Variants in ANK3 observed in about 807,000 individuals in gnomAD.
ANK3 encodes the protein ankyrin 3, also known as ankyrin-3.
Under a neutral mutation model 370.9 loss-of-function variants are expected in ANK3, and 57 were observed. The ratio of observed to expected loss-of-function variants is 0.15; its 90% CI spans 0.12 to 0.19. ANK3 has a LOEUF of 0.19. ANK3 is among the 10% of genes least tolerant of loss of function. The pLI, the probability that ANK3 is intolerant of heterozygous loss-of-function variation, is 1.00. For synonymous variants in ANK3, 1,929 were observed against 1,946.3 expected (o/e 0.99, Z 0.23); for missense variants, 4,439 against 5,302.1 (o/e 0.84, Z 5.06).
chr10:60,209,946 TAAAGA>T (rs1205609065), intron 9 of ANK3, among the ~76,000 whole-genome samples: 4 of 152,058 alleles, frequency 2.6e-5, no homozygotes, highest in Non-Finnish European at 5.9e-5. Context: ...AAGAAAACAG[TAAAGA>T]AAAGATCATC....
At chr10:60,189,581 C>T (rs1172061447) in intron 16 of ANK3, among the ~76,000 whole-genome samples, 4 of 152,122 alleles carry the variant, frequency 2.6e-5, no homozygotes, top group African/African-American at 7.2e-5. Context: ...ATAATAAGCA[C>T]ATTTATCTTG....
At chr10:60,710,217 T>C (rs759390737) in intron 1 of ANK3, among the ~76,000 whole-genome samples, 4 of 152,190 alleles carry the variant, frequency 2.6e-5, no homozygotes, top group Non-Finnish European at 5.9e-5. Flanking sequence ...CAGAGATGAT[T>C]AGCATCACAG....
chr10:60,062,969 T>A, intron 40 of ANK3, 142 bp downstream of exon 40: 1 of 788,768 alleles, frequency 1.3e-6, no homozygotes, highest in Non-Finnish European at 1.9e-6. Context: ...ATCAGAGTGT[T>A]TATTTGCAGA....
chr10:60,246,591 G>A (rs1413891232), intron 7 of ANK3, among the ~76,000 whole-genome samples: 1 of 152,216 alleles, frequency 6.6e-6, no homozygotes, highest in East Asian at 1.9e-4. Flanking sequence ...GCCTTCCCAG[G>A]AAGCAGCAGC....
intron 2 of ANK3, among the ~76,000 whole-genome samples, chr10:60,480,315 A>G (rs1294326767): frequency 6.6e-6 from 1 of 152,212 alleles, no homozygotes; most frequent in Non-Finnish European, 1.5e-5. Context: ...GTTTAAAGCC[A>G]TGGGCACAGA....
intron 2 of ANK3, among the ~76,000 whole-genome samples, chr10:60,479,670 C>T (rs980855355): frequency 9.9e-5 from 15 of 151,798 alleles, no homozygotes; most frequent in African/African-American, 2.2e-4. Context: ...ACTGAAACAC[C>T]GAGAAGTGGA....
At chr10:60,653,365 T>C (rs1035440236) in intron 1 of ANK3, among the ~76,000 whole-genome samples, 27 of 151,160 alleles carry the variant, frequency 1.8e-4, no homozygotes, top group African/African-American at 5.7e-4. Context: ...ATTTTTTTTT[T>C]CCCATACAGA....
At chr10:60,655,809 C>T (rs1293307871) in intron 1 of ANK3, among the ~76,000 whole-genome samples, 1 of 152,122 alleles carries the variant, frequency 6.6e-6, no homozygotes, top group Non-Finnish European at 1.5e-5. Context: ...TGGGAAGTGC[C>T]CTACACAGGT....
intron 16 of ANK3, among the ~76,000 whole-genome samples, chr10:60,190,908 C>G (rs543444353): frequency 6.6e-6 from 1 of 152,138 alleles, no homozygotes; most frequent in East Asian, 1.9e-4. Flanking sequence ...TGGAACAGAA[C>G]AGAAAACTCA....
chr10:60,666,483 A>C (rs1564517053), intron 1 of ANK3, among the ~76,000 whole-genome samples: 2 of 152,268 alleles, frequency 1.3e-5, no homozygotes, highest in East Asian at 3.9e-4. Flanking sequence ...TTGCAACATG[A>C]AAAGAGTTCT....
chr10:60,060,346 T>C (rs1290685248), intron 40 of ANK3: 1 of 163,942 alleles, frequency 6.1e-6, no homozygotes, highest in Non-Finnish European at 1.3e-5. Flanking sequence ...AAGTTAGTTG[T>C]CATTACATGA....
chr10:60,581,421 T>TC (rs1345772771), intron 2 of ANK3, among the ~76,000 whole-genome samples: 1 of 15,104 alleles, frequency 6.6e-5, no homozygotes, highest in Admixed American at 9.5e-4. Flanking sequence ...TTTTGCCCTT[T>TC]TTTTTTTTTT....
chr10:60,313,484 A>G (rs998883259), intron 1 of ANK3, among the ~76,000 whole-genome samples: 1 of 152,190 alleles, frequency 6.6e-6, no homozygotes. Context: ...ATGAGCTGGA[A>G]CATATAGATC....
intron 1 of ANK3, among the ~76,000 whole-genome samples, chr10:60,692,302 T>C (rs886556489): frequency 7.2e-5 from 11 of 152,198 alleles, no homozygotes; most frequent in African/African-American, 2.7e-4. Context: ...CTGTACATCT[T>C]GTTGTTAGAC....
Position 60,173,198 on chromosome 10 carries a change from AT to A in ANK3, c.2185-13del, listed in dbSNP as rs758997055. 11 of 1,584,722 alleles carry A rather than the reference AT, an allele frequency of 6.9e-6. No individual in the cohort carries two copies. Among genetic ancestry groups the A allele is most frequent in the South Asian group, 5.8e-5 (5 of 86,632 alleles). On this transcript the variant is annotated splice_polypyrimidine_tract_variant and intron_variant, in intron 18 of 43. Coordinates refer to ENST00000280772, the MANE Select transcript of ANK3 (RefSeq NM_020987.5). The stretch of plus-strand genomic sequence containing the variant: ...GGTGTGTATCCCATCTGTAATTATT[AT>A]TTTTTTAAAAAAGAAGCATCATAAT...
At chr10:60,634,663 T>G (rs2078528722) in intron 1 of ANK3, among the ~76,000 whole-genome samples, 1 of 152,038 alleles carries the variant, frequency 6.6e-6, no homozygotes, top group Non-Finnish European at 1.5e-5. Flanking sequence ...GTGGAAGCTT[T>G]GTTCTTTTGC....
intron 40 of ANK3, among the ~76,000 whole-genome samples, chr10:60,061,028 T>A (rs1471964160): frequency 6.6e-6 from 1 of 152,190 alleles, no homozygotes; most frequent in Admixed American, 6.5e-5. Context: ...TTCATAAAAG[T>A]TCAACGAAGA....
In ANK3 at chr10:60,071,986, A is replaced by G. The variant is rs10740006; in HGVS notation, c.8895T>C (p.Ala2965=). ...SAVSHIPVRV[A]DERRMLSSNI... ...TAGAAGACAGCATTCTCCTCTCATC[A>G]GCAACTCTGACGGGAATGTGTGACA... The change falls in exon 37 of 44, where the codon GCT becomes GCC. Residue 2965 remains alanine, a synonymous_variant. Coordinates refer to ENST00000280772, the MANE Select transcript of ANK3 (RefSeq NM_020987.5). The G allele has an allele frequency of 0.24, 391,796 of 1,613,928 alleles. 51,519 individuals carry two copies. Among genetic ancestry groups the G allele is most frequent in the Non-Finnish European group, 0.27 (322,872 of 1,179,940 alleles).
intron 5 of ANK3, among the ~76,000 whole-genome samples, 185 bp from the exon 6 acceptor site, chr10:60,264,205 T>TA (rs1361845615): frequency 2.6e-5 from 4 of 152,228 alleles, no homozygotes; most frequent in South Asian, 4.1e-4. Context: ...CTATACAAAG[T>TA]AAAAAATACT....
Sources: gnomAD v4.1 joint callset for allele counts (sites outside exome capture counted in the v4.1 genomes callset) on GRCh38, gnomAD v4.1.1 for gene constraint, MANE v1.5 for transcripts, NCBI Gene and HGNC (gene_info 2026-07-23, HGNC 2026-07-21) for gene names.